Variants in SUMF1 observed in about 807,000 individuals in gnomAD.
SUMF1 encodes the protein sulfatase modifying factor 1, also known as formylglycine-generating enzyme.
SUMF1 carries 48 observed loss-of-function variants against 47.6 expected under a neutral mutation model. The ratio of observed to expected loss-of-function variants is 1.01; its 90% CI spans 0.80 to 1.28. SUMF1 has a LOEUF of 1.28. SUMF1 is among the 50% of genes most tolerant of loss of function. The probability of loss-of-function intolerance (pLI) is 0.00; values close to 1 mark genes in which losing one functional copy is unlikely to be tolerated. For missense variants in SUMF1, 571 were observed against 485.4 expected, an observed-to-expected ratio of 1.18 and a Z score of -1.66; for synonymous variants, 230 against 192.1, an observed-to-expected ratio of 1.20 and a Z score of -1.63.
intron 8 of SUMF1, among the ~76,000 whole-genome samples, chr3:4,147,285 T>A (rs1270506743): frequency 1.3e-5 from 2 of 152,044 alleles, no homozygotes; most frequent in Admixed American, 6.6e-5. Context: ...GAACTAGAAA[T>A]ACCATTTGAC....
At chr3:4,397,314 G>C (rs1011128323) in intron 7 of SUMF1, among the ~76,000 whole-genome samples, 23 of 152,196 alleles carry the variant, frequency 1.5e-4, no homozygotes, top group African/African-American at 5.5e-4. Flanking sequence ...TACATTCACT[G>C]AAAGATTTGC....
intron 8 of SUMF1, among the ~76,000 whole-genome samples, chr3:4,319,414 C>G (rs1698772473): frequency 6.6e-6 from 1 of 152,014 alleles, no homozygotes; most frequent in Non-Finnish European, 1.5e-5. Flanking sequence ...ACTGGGGAGG[C>G]TTACATAGTG....
chr3:4,165,999 A>G (rs756939910), intron 8 of SUMF1, among the ~76,000 whole-genome samples: 7 of 152,028 alleles, frequency 4.6e-5, no homozygotes, highest in Non-Finnish European at 1.0e-4. Context: ...TGATCAGAAT[A>G]GTTGAGCTCA....
intron 9 of SUMF1, among the ~76,000 whole-genome samples, chr3:4,052,188 C>CA (rs1695124221): frequency 6.6e-6 from 1 of 152,084 alleles, no homozygotes; most frequent in East Asian, 1.9e-4. Flanking sequence ...GGCACCTTCT[C>CA]AATGTGTCTC....
At chr3:4,201,090 T>A (rs190157925) in intron 8 of SUMF1, among the ~76,000 whole-genome samples, 47 of 152,172 alleles carry the variant, frequency 3.1e-4, no homozygotes, top group African/African-American at 1.1e-3. Flanking sequence ...CACATCAGAG[T>A]AAATGGGGTA....
chr3:4,378,664 C>T (rs1044400509), intron 7 of SUMF1, among the ~76,000 whole-genome samples: 2 of 152,198 alleles, frequency 1.3e-5, no homozygotes, highest in African/African-American at 4.8e-5. Context: ...AAGACAATTA[C>T]CAAGAATTCA....
At chr3:4,179,810 G>C (rs895806235) in intron 8 of SUMF1, among the ~76,000 whole-genome samples, 5 of 152,008 alleles carry the variant, frequency 3.3e-5, no homozygotes, top group Non-Finnish European at 7.4e-5. Context: ...AAAGGGCTAA[G>C]ATCCAGAATC....
chr3:4,448,543 C>T (rs1702862448), intron 3 of SUMF1, among the ~76,000 whole-genome samples: 1 of 150,684 alleles, frequency 6.6e-6, no homozygotes, highest in Non-Finnish European at 1.5e-5. Context: ...TCCCAGCTTA[C>T]CCTCACTCCT....
chr3:4,104,743 A>C (rs767567381), intron 8 of SUMF1, among the ~76,000 whole-genome samples: 4 of 150,404 alleles, frequency 2.7e-5, no homozygotes, highest in Non-Finnish European at 4.4e-5. Flanking sequence ...CAATGTAATA[A>C]TTTTTTTCCT....
At chr3:4,209,099 T>C (rs1695718540) in intron 8 of SUMF1, among the ~76,000 whole-genome samples, 1 of 152,168 alleles carries the variant, frequency 6.6e-6, no homozygotes, top group Non-Finnish European at 1.5e-5. Flanking sequence ...ATTCTCCAGT[T>C]AAAACATCTA....
At position 4,299,014 on chromosome 3, in the gene SUMF1, G is replaced by C. The variant is rs533088942; in HGVS notation, c.1014+77316C>G. ...AAAAGTAATCTTTACCAGTTCTAAAGATCCATAGCACTTTACCTAAACCTT... is the reference window on the plus strand; with the variant it reads ...AAAAGTAATCTTTACCAGTTCTAAACATCCATAGCACTTTACCTAAACCTT... On this transcript the variant is annotated intron_variant and NMD_transcript_variant, in intron 8 of 12. Coordinates refer to the SUMF1 transcript ENST00000448413. 5.3e-5 allele frequency among the ~76,000 whole-genome samples: 8 copies of C among 152,242 alleles called. No individual in the cohort carries two copies. The East Asian group carries it at 1.5e-3, about 29-fold the overall frequency.
chr3:4,193,985 T>C (rs985649048), intron 8 of SUMF1, among the ~76,000 whole-genome samples: 1 of 152,150 alleles, frequency 6.6e-6, no homozygotes, highest in Non-Finnish European at 1.5e-5. Context: ...AACGTAAGTA[T>C]GCCAAAAAAC....
Position 4,097,414 on chromosome 3 carries a change from G to A in SUMF1, c.1015-28669C>T, listed in dbSNP as rs7630945. On this transcript the variant is annotated intron_variant and NMD_transcript_variant, in intron 8 of 12. Coordinates refer to the SUMF1 transcript ENST00000448413. ...CTAAAAAGACAAAAATTAGCCAGGC[G>A]TGGGGGCAGGTGCCTGTAATCCCAG... Among the ~76,000 whole-genome samples, 1,224 of 152,040 alleles carry A rather than the reference G, an allele frequency of 8.1e-3. 8 individuals are homozygous for A. The highest frequency in any genetic ancestry group is 0.014 in the Middle Eastern group (4 of 294).
chr3:4,160,069 A>C, intron 8 of SUMF1, among the ~76,000 whole-genome samples: 1 of 152,008 alleles, frequency 6.6e-6, no homozygotes, highest in Non-Finnish European at 1.5e-5. Context: ...GTATTCTTTA[A>C]CCTTCTTATA....
intron 8 of SUMF1, among the ~76,000 whole-genome samples, chr3:4,078,569 T>G (rs553549097): frequency 6.6e-6 from 1 of 151,964 alleles, no homozygotes; most frequent in Non-Finnish European, 1.5e-5. Context: ...GGTGCTATTT[T>G]TAAATGATTT....
intron 8 of SUMF1, among the ~76,000 whole-genome samples, chr3:4,130,162 A>G (rs898298815): frequency 5.3e-5 from 8 of 152,174 alleles, no homozygotes; most frequent in Non-Finnish European, 1.2e-4. Flanking sequence ...CAGAAGACAG[A>G]TGGATCTTGG....
intron 8 of SUMF1, among the ~76,000 whole-genome samples, chr3:4,087,816 A>C (rs1324292095): frequency 6.6e-6 from 1 of 152,160 alleles, no homozygotes; most frequent in Non-Finnish European, 1.5e-5. Context: ...TAGTGAATGA[A>C]ATGTAATAAT....
At chr3:4,364,184 T>C (rs1404963766) in intron 8 of SUMF1, among the ~76,000 whole-genome samples, 2 of 142,046 alleles carry the variant, frequency 1.4e-5, no homozygotes, top group African/African-American at 5.0e-5. Context: ...TCTAAAATTC[T>C]CTTTCTTGGT....
Position 4,217,514 on chromosome 3 carries a change from T to TATATA in SUMF1, c.1015-148770_1015-148769insTATAT, listed in dbSNP as rs1553610066. ...TGTATCCCAGAACTTAAAGTATTTT[T>TATATA]TATATATATATATATATATATATAT... is the stretch of plus-strand genomic sequence containing the variant. On this transcript the variant is annotated intron_variant and NMD_transcript_variant, in intron 8 of 12. Coordinates refer to the SUMF1 transcript ENST00000448413. Among the ~76,000 whole-genome samples the TATATA allele has an allele frequency of 2.6e-3, 118 of 45,196 alleles. 17 individuals are homozygous for TATATA. The highest frequency in any genetic ancestry group is 0.012 in the African/African-American group (111 of 9,638). The allele number at this position is 45,196 out of a possible 152,430, so 29.7% of individuals were successfully genotyped here.
Sources: allele counts gnomAD v4.1 joint callset (sites outside exome capture counted in the v4.1 genomes callset), GRCh38; gene constraint gnomAD v4.1.1; transcripts MANE v1.5; gene names NCBI Gene and HGNC (gene_info 2026-07-23, HGNC 2026-07-21).